Variants in KCNQ5 observed in about 807,000 individuals in gnomAD.
The protein encoded by KCNQ5 is potassium voltage-gated channel subfamily Q member 5, also known as potassium voltage-gated channel subfamily KQT member 5.
A neutral mutation model predicts 98.2 loss-of-function variants in KCNQ5; 30 were observed. The observed-to-expected ratio is 0.31, with a 90% CI of 0.23 to 0.41. KCNQ5 has a LOEUF of 0.41. KCNQ5 is among the 10% of genes least tolerant of loss of function. KCNQ5 has a pLI of 1.00. For synonymous variants in KCNQ5, 458 were observed against 449.4 expected, an observed-to-expected ratio of 1.02 and a Z score of -0.24; for missense variants, 835 against 1,182.5, an observed-to-expected ratio of 0.71 and a Z score of 4.31.
At chr6:72,867,223 A>C (rs182485119) in intron 1 of KCNQ5, among the ~76,000 whole-genome samples, 1 of 152,374 alleles carries the variant, frequency 6.6e-6, no homozygotes, top group East Asian at 1.9e-4. Flanking sequence ...TTGCTTTCTC[A>C]GAGTTTCTCA....
At chr6:72,931,187 A>G (rs1765677646) in intron 1 of KCNQ5, among the ~76,000 whole-genome samples, 1 of 152,190 alleles carries the variant, frequency 6.6e-6, no homozygotes, top group Non-Finnish European at 1.5e-5. Flanking sequence ...ATTTATATAG[A>G]CAAAGAACTT....
chr6:73,089,244 A>G (rs967939346), intron 5 of KCNQ5, among the ~76,000 whole-genome samples: 8 of 152,242 alleles, frequency 5.3e-5, no homozygotes, highest in Non-Finnish European at 1.2e-4. Flanking sequence ...TTTAATCAAT[A>G]TACAATATCA....
chr6:73,117,239 A>G (rs1447708213), intron 7 of KCNQ5, among the ~76,000 whole-genome samples: 2 of 152,252 alleles, frequency 1.3e-5, no homozygotes, highest in Non-Finnish European at 2.9e-5. Context: ...AAGTTCAGCT[A>G]CTAGAAACAA....
At chr6:72,928,918 G>A (rs1339714005) in intron 1 of KCNQ5, among the ~76,000 whole-genome samples, 5 of 152,006 alleles carry the variant, frequency 3.3e-5, no homozygotes, top group Non-Finnish European at 7.4e-5. Flanking sequence ...CACTCTGCTG[G>A]GTGTTAGAGA....
chr6:72,654,090 A>G (rs1443741389), intron 1 of KCNQ5, among the ~76,000 whole-genome samples: 1 of 152,182 alleles, frequency 6.6e-6, no homozygotes, highest in South Asian at 2.1e-4. Context: ...ATAGGAACAT[A>G]AAAATAGAAA....
At chr6:72,914,519 TG>T (rs752761860) in intron 1 of KCNQ5, among the ~76,000 whole-genome samples, 1 of 148,638 alleles carries the variant, frequency 6.7e-6, no homozygotes, top group Non-Finnish European at 1.5e-5. Context: ...TAAGGAGGAC[TG>T]GTCTCATGCT....
intron 1 of KCNQ5, among the ~76,000 whole-genome samples, chr6:72,707,051 T>C: frequency 6.6e-6 from 1 of 152,134 alleles, no homozygotes; most frequent in East Asian, 1.9e-4. Flanking sequence ...AAACTATGAG[T>C]GTGTGTATAT....
chr6:72,657,085 C>T (rs964487737), intron 1 of KCNQ5, among the ~76,000 whole-genome samples: 1 of 152,076 alleles, frequency 6.6e-6, no homozygotes, highest in Non-Finnish European at 1.5e-5. Flanking sequence ...TGGTGAATGT[C>T]TATAGTCGTA....
intron 1 of KCNQ5, among the ~76,000 whole-genome samples, chr6:72,850,537 C>A (rs1180727132): frequency 6.6e-6 from 1 of 152,232 alleles, no homozygotes; most frequent in Non-Finnish European, 1.5e-5. Context: ...GTCCCCGGAT[C>A]TCCTGTGGGA....
At chr6:72,664,017 C>T (rs950371499) in intron 1 of KCNQ5, among the ~76,000 whole-genome samples, 1 of 152,210 alleles carries the variant, frequency 6.6e-6, no homozygotes, top group African/African-American at 2.4e-5. Flanking sequence ...TTGTTTCCTT[C>T]CTCCCTCTTC....
chr6:72,997,718 G>A (rs757390033), intron 1 of KCNQ5, among the ~76,000 whole-genome samples: 4 of 140,794 alleles, frequency 2.8e-5, no homozygotes, highest in Non-Finnish European at 4.5e-5. Flanking sequence ...GGAAGGGGGA[G>A]CTTGCAGTGA....
intron 1 of KCNQ5, among the ~76,000 whole-genome samples, chr6:72,832,287 G>A (rs2150125103): frequency 6.6e-6 from 1 of 152,200 alleles, no homozygotes; most frequent in East Asian, 1.9e-4. Context: ...AATGAGAGCA[G>A]AATCCTTTTT....
chr6:73,133,090 A>G (rs969530470), intron 9 of KCNQ5, among the ~76,000 whole-genome samples: 1 of 152,216 alleles, frequency 6.6e-6, no homozygotes, highest in African/African-American at 2.4e-5. Flanking sequence ...TAAAGCTAAA[A>G]TTACCCAACT....
chr6:72,879,765 A>AT (rs1331897856), intron 1 of KCNQ5, among the ~76,000 whole-genome samples: 9 of 151,708 alleles, frequency 5.9e-5, no homozygotes, highest in South Asian at 2.1e-4. Context: ...TTTGTGTGTG[A>AT]TTTTTTTTAA....
chr6:73,005,252 G>T (rs1769764544), intron 2 of KCNQ5, among the ~76,000 whole-genome samples: 2 of 152,150 alleles, frequency 1.3e-5, no homozygotes, highest in Admixed American at 6.5e-5. Flanking sequence ...TTTCCCTTTG[G>T]GTAGAAAGTA....
At chr6:72,985,526 T>C (rs1768726848) in intron 1 of KCNQ5, among the ~76,000 whole-genome samples, 1 of 152,182 alleles carries the variant, frequency 6.6e-6, no homozygotes, top group Non-Finnish European at 1.5e-5. Context: ...AGATCAGAGC[T>C]ATGAAAATCC....
At chr6:72,846,745 T>C (rs1359070249) in intron 1 of KCNQ5, among the ~76,000 whole-genome samples, 2 of 152,318 alleles carry the variant, frequency 1.3e-5, no homozygotes, top group East Asian at 3.9e-4. Flanking sequence ...GACATTTGGC[T>C]GTTAAAAGTG....
At chr6:72,684,139 C>T (rs772535807) in intron 1 of KCNQ5, among the ~76,000 whole-genome samples, 6 of 152,142 alleles carry the variant, frequency 3.9e-5, no homozygotes, top group Admixed American at 6.5e-5. Context: ...ACAAAAAGCC[C>T]GACATGATTC....
At chr6:72,719,524 A>T (rs144045634) in intron 1 of KCNQ5, among the ~76,000 whole-genome samples, 1 of 152,366 alleles carries the variant, frequency 6.6e-6, no homozygotes, top group South Asian at 2.1e-4. Flanking sequence ...AAAAACCTGG[A>T]TACTAAATGG....
Sources: gnomAD v4.1 joint callset for allele counts (sites outside exome capture counted in the v4.1 genomes callset) on GRCh38, gnomAD v4.1.1 for gene constraint, MANE v1.5 for transcripts, NCBI Gene and HGNC (gene_info 2026-07-23, HGNC 2026-07-21) for gene names.